SNX7: variants seen among roughly 807,000 people sequenced by gnomAD.
The protein encoded by SNX7 is sorting nexin-7.
A neutral mutation model predicts 48.4 loss-of-function variants in SNX7; 35 were observed. That is an observed-to-expected ratio of 0.72 (90% CI 0.55 to 0.96). The LOEUF (loss-of-function observed/expected upper bound fraction) is 0.96, where lower values mean the gene tolerates loss of function less well. Among genes scored for constraint, SNX7 ranks in the 40% least tolerant of loss-of-function variants. The pLI, the probability that SNX7 is intolerant of heterozygous loss-of-function variation, is 0.00. For synonymous variants in SNX7, 190 were observed against 190.2 expected (o/e 1.00, Z 0.01); for missense variants, 553 against 548.9 (o/e 1.01, Z -0.07).
intron 1 of SNX7, among the ~76,000 whole-genome samples, chr1:98,682,117 CCT>C (rs928878204): frequency 4.6e-5 from 7 of 151,408 alleles, no homozygotes; most frequent in African/African-American, 7.3e-5. Flanking sequence ...TTTTTAATTC[CCT>C]TTCTTCCTTG....
chr1:98,719,348 T>C (rs1395518599), intron 7 of SNX7, among the ~76,000 whole-genome samples: 1 of 152,100 alleles, frequency 6.6e-6, no homozygotes, highest in African/African-American at 2.4e-5. Flanking sequence ...TCCTGTACCC[T>C]CCACCCGCAG....
At chr1:98,755,896 T>C (rs1417366247) in intron 8 of SNX7, among the ~76,000 whole-genome samples, 1 of 152,002 alleles carries the variant, frequency 6.6e-6, no homozygotes, top group African/African-American at 2.4e-5. Flanking sequence ...CTTTTAATGG[T>C]GTGTTTAGCA....
At chr1:98,745,202 T>C (rs12757095) in intron 8 of SNX7, among the ~76,000 whole-genome samples, 40,884 of 151,760 alleles carry the variant, frequency 0.27, 5,814 homozygotes, top group Middle Eastern at 0.32. Context: ...ATTGTTGCAA[T>C]AGAGGTGTAA....
At chr1:98,674,618 A>G (rs1650060031) in intron 1 of SNX7, among the ~76,000 whole-genome samples, 1 of 152,236 alleles carries the variant, frequency 6.6e-6, no homozygotes, top group Non-Finnish European at 1.5e-5. Flanking sequence ...GCTTCAGCAT[A>G]TAAATTTGGG....
chr1:98,675,877 C>T (rs921222937), intron 1 of SNX7, among the ~76,000 whole-genome samples: 3 of 151,952 alleles, frequency 2.0e-5, no homozygotes, highest in Admixed American at 6.6e-5. Flanking sequence ...AAATATAATC[C>T]GAAGTATTCT....
At chr1:98,683,285 A>G (rs1650602880) in intron 1 of SNX7, among the ~76,000 whole-genome samples, 3 of 152,098 alleles carry the variant, frequency 2.0e-5, no homozygotes, top group Admixed American at 6.5e-5. Context: ...TTCTGCATGC[A>G]TGGTAGGGGC....
At chr1:98,680,891 A>G (rs1650451615) in intron 1 of SNX7, among the ~76,000 whole-genome samples, 1 of 152,184 alleles carries the variant, frequency 6.6e-6, no homozygotes, top group Non-Finnish European at 1.5e-5. Flanking sequence ...TGAGCTCTCC[A>G]AACTGTTCCA....
At chr1:98,701,572 A>C (rs1348872593) in intron 6 of SNX7, among the ~76,000 whole-genome samples, 2 of 152,092 alleles carry the variant, frequency 1.3e-5, no homozygotes, top group African/African-American at 4.8e-5. Context: ...TAAATGGGTA[A>C]AATGTGCATT....
chr1:98,714,685 G>A (rs1170548929), intron 7 of SNX7, among the ~76,000 whole-genome samples: 1 of 152,162 alleles, frequency 6.6e-6, no homozygotes, highest in Admixed American at 6.5e-5. Flanking sequence ...AGGAGGAAAA[G>A]CCATGATCCT....
chr1:98,727,566 A>G (rs1173678333), intron 7 of SNX7, among the ~76,000 whole-genome samples: 3 of 152,174 alleles, frequency 2.0e-5, no homozygotes, highest in African/African-American at 7.2e-5. Context: ...AAGGTGGGTA[A>G]TAACGAACTC....
At chr1:98,678,078 A>G (rs936991550) in intron 1 of SNX7, among the ~76,000 whole-genome samples, 1 of 151,890 alleles carries the variant, frequency 6.6e-6, no homozygotes, top group Admixed American at 6.6e-5. Flanking sequence ...TCATTTATAA[A>G]GAAAAGAGGT....
At chr1:98,687,955 A>G (rs369801268) in intron 2 of SNX7, among the ~76,000 whole-genome samples, 11 of 152,288 alleles carry the variant, frequency 7.2e-5, no homozygotes, top group Admixed American at 2.0e-4. Flanking sequence ...CTATGATTCA[A>G]TTATCTTCAC....
intron 1 of SNX7, among the ~76,000 whole-genome samples, chr1:98,663,193 C>T (rs1649343212): frequency 6.9e-6 from 1 of 144,916 alleles, no homozygotes; most frequent in Non-Finnish European, 1.5e-5. Flanking sequence ...CATTGTGAAA[C>T]TTTGGGATGG....
intron 7 of SNX7, among the ~76,000 whole-genome samples, chr1:98,730,976 G>A (rs558752308): frequency 2.6e-5 from 4 of 152,182 alleles, no homozygotes; most frequent in East Asian, 3.9e-4. Context: ...GACACAGGGC[G>A]GCAGAGGTGG....
chr1:98,757,373 G>A (rs1049676268), intron 8 of SNX7, among the ~76,000 whole-genome samples: 25 of 151,870 alleles, frequency 1.6e-4, no homozygotes, highest in African/African-American at 6.0e-4. Flanking sequence ...TTTCTTCTAA[G>A]GCCCCTCTCC....
intron 1 of SNX7, among the ~76,000 whole-genome samples, chr1:98,682,927 TTTGGTTCACATAGTAGGACA>T (rs1490636543): frequency 6.6e-6 from 1 of 152,192 alleles, no homozygotes; most frequent in Admixed American, 6.5e-5. Flanking sequence ...CTCTTGTTCT[TTTGGTTCACATAGTAGGACA>T]GTTCTTGAGC....
intron 1 of SNX7, among the ~76,000 whole-genome samples, chr1:98,669,528 C>T (rs1649731451): frequency 6.6e-6 from 1 of 152,210 alleles, no homozygotes; most frequent in South Asian, 2.1e-4. Context: ...TGGAGAGCCT[C>T]ACTATTCAGT....
intron 7 of SNX7, among the ~76,000 whole-genome samples, chr1:98,733,232 G>A (rs1046785415): frequency 2.0e-5 from 3 of 152,028 alleles, no homozygotes; most frequent in Non-Finnish European, 4.4e-5. Flanking sequence ...CACACCCTAC[G>A]GTATTTGTTC....
At chr1:98,749,418 G>C (rs1654472073) in intron 8 of SNX7, among the ~76,000 whole-genome samples, 1 of 151,992 alleles carries the variant, frequency 6.6e-6, no homozygotes, top group Non-Finnish European at 1.5e-5. Context: ...AATTACAAGT[G>C]TACACTTATC....
Sources: allele counts gnomAD v4.1 joint callset (sites outside exome capture counted in the v4.1 genomes callset), GRCh38; gene constraint gnomAD v4.1.1; transcripts MANE v1.5; gene names NCBI Gene and HGNC (gene_info 2026-07-23, HGNC 2026-07-21).